The following MSI2 variants were observed in gnomAD, a reference collection of about 807,000 sequenced individuals.
The protein encoded by MSI2 is musashi RNA binding protein 2.
Under a neutral mutation model 45.6 loss-of-function variants are expected in MSI2, and 17 were observed. That is an observed-to-expected ratio of 0.37 (90% CI 0.26 to 0.56). The LOEUF (loss-of-function observed/expected upper bound fraction) is 0.56, where lower values mean the gene tolerates loss of function less well. MSI2 is among the 20% of genes least tolerant of loss of function. The probability of loss-of-function intolerance (pLI) is 0.77; values close to 1 mark genes in which losing one functional copy is unlikely to be tolerated. For missense variants in MSI2, 293 were observed against 444.2 expected, an observed-to-expected ratio of 0.66 and a Z score of 3.06; for synonymous variants, 156 against 158.2, an observed-to-expected ratio of 0.99 and a Z score of 0.11.
rs117827861 is a variant in MSI2 at position 57,540,529 on chromosome 17, G to A, written c.454+10805G>A. Among the ~76,000 whole-genome samples, 89 of 152,348 alleles carry A rather than the reference G, an allele frequency of 5.8e-4. 2 individuals are homozygous for A. The East Asian group carries it at 0.016, about 27-fold the overall frequency. On this transcript the variant is annotated intron_variant, in intron 7 of 13. Coordinates refer to ENST00000284073, the MANE Select transcript of MSI2 (RefSeq NM_138962.4). ...ATACCTCAGAATGTGACCTTATTTA[G>A]AAAGAGGGTCTTTGGAGGTGTAATC... is the stretch of plus-strand genomic sequence containing the variant.
intron 5 of MSI2, among the ~76,000 whole-genome samples, chr17:57,289,027 A>G (rs901280467): frequency 1.3e-5 from 2 of 152,162 alleles, no homozygotes; most frequent in Admixed American, 1.3e-4. Flanking sequence ...TCACTTCTCT[A>G]TAAGAAGGGG....
chr17:57,489,520 C>T (rs992812471), intron 6 of MSI2, among the ~76,000 whole-genome samples: 5 of 152,228 alleles, frequency 3.3e-5, no homozygotes, highest in East Asian at 1.9e-4. Context: ...CAGGGAGGCT[C>T]CTGGCACGGC....
chr17:57,436,745 C>T (rs537234100), intron 6 of MSI2, among the ~76,000 whole-genome samples: 23 of 152,226 alleles, frequency 1.5e-4, no homozygotes, highest in South Asian at 1.0e-3. Context: ...AATATGACAG[C>T]GGTTAATCAT....
intron 6 of MSI2, among the ~76,000 whole-genome samples, chr17:57,509,505 C>T (rs1444265517): frequency 6.6e-6 from 1 of 152,198 alleles, no homozygotes; most frequent in Non-Finnish European, 1.5e-5. Flanking sequence ...ACTGCAACCT[C>T]CGCCTCCCGG....
intron 8 of MSI2, 97 bp downstream of exon 8, chr17:57,597,047 G>C: frequency 2.3e-6 from 2 of 868,604 alleles, no homozygotes; most frequent in Non-Finnish European, 3.8e-6. Context: ...AGGCTGGAGT[G>C]GGCAGGGGTG....
chr17:57,425,031 A>G (rs1481475666), intron 6 of MSI2, among the ~76,000 whole-genome samples: 2 of 152,190 alleles, frequency 1.3e-5, no homozygotes, highest in Non-Finnish European at 2.9e-5. Flanking sequence ...GAGGTGGGGC[A>G]GGACTCAGGA....
intron 7 of MSI2, among the ~76,000 whole-genome samples, chr17:57,563,064 C>T (rs144266748): frequency 0.021 from 2,938 of 141,048 alleles, 156 homozygotes; most frequent in Admixed American, 0.13. Flanking sequence ...CACCACTGCA[C>T]GCCAGCCTGG....
At chr17:57,285,448 T>TTTTCA (rs1491368710) in intron 5 of MSI2, among the ~76,000 whole-genome samples, 1 of 152,206 alleles carries the variant, frequency 6.6e-6, no homozygotes, top group Non-Finnish European at 1.5e-5. Flanking sequence ...CGGTTTTCCA[T>TTTTCA]TTTCACGGTG....
intron 5 of MSI2, among the ~76,000 whole-genome samples, chr17:57,315,355 G>A (rs534667300): frequency 1.5e-4 from 23 of 151,900 alleles, no homozygotes; most frequent in African/African-American, 5.3e-4. Flanking sequence ...AGTGTGTCCT[G>A]TCGACTCAAG....
At chr17:57,392,850 G>GA (rs1245772728) in intron 5 of MSI2, among the ~76,000 whole-genome samples, 1 of 152,048 alleles carries the variant, frequency 6.6e-6, no homozygotes, top group Non-Finnish European at 1.5e-5. Flanking sequence ...TTGGCTTAGG[G>GA]ATCTCTCTGG....
In MSI2 at chr17:57,302,200, C is replaced by A. The variant is rs965642220; in HGVS notation, c.312+40008C>A. On this transcript the variant is annotated intron_variant, in intron 5 of 13. Transcript: ENST00000284073. ...CAGTCTGTAATGATCAAATCAGGGTCATCGAGACATCTGTCACCTCAAACA... is the reference window on the plus strand; with the variant it reads ...CAGTCTGTAATGATCAAATCAGGGTAATCGAGACATCTGTCACCTCAAACA... 3.3e-5 allele frequency among the ~76,000 whole-genome samples: 5 copies of A among 152,270 alleles called. No homozygotes were observed. In the East Asian group the frequency reaches 7.7e-4, roughly 23 times the overall value.
chr17:57,637,860 G>A (rs535957171), intron 10 of MSI2, among the ~76,000 whole-genome samples: 18 of 152,286 alleles, frequency 1.2e-4, no homozygotes, highest in African/African-American at 1.9e-4. Context: ...CCCACACCTC[G>A]TCCTCTGTGG....
chr17:57,523,263 G>A (rs530292621), intron 6 of MSI2, among the ~76,000 whole-genome samples: 11 of 152,264 alleles, frequency 7.2e-5, no homozygotes, highest in Admixed American at 2.6e-4. Context: ...TGGCCAGGCT[G>A]GTCTCGAACT....
intron 8 of MSI2, among the ~76,000 whole-genome samples, chr17:57,614,124 C>T (rs1907445599): frequency 6.6e-6 from 1 of 152,052 alleles, no homozygotes; most frequent in Non-Finnish European, 1.5e-5. Context: ...GATCTCGGCT[C>T]ACTACACCCT....
At chr17:57,465,518 T>A (rs1598301015) in intron 6 of MSI2, among the ~76,000 whole-genome samples, 1 of 152,196 alleles carries the variant, frequency 6.6e-6, no homozygotes, top group Non-Finnish European at 1.5e-5. Context: ...GTCAAACTGT[T>A]GATCTTAGGG....
intron 5 of MSI2, among the ~76,000 whole-genome samples, chr17:57,330,456 T>A (rs909203386): frequency 6.6e-6 from 1 of 151,934 alleles, no homozygotes; most frequent in African/African-American, 2.4e-5. Flanking sequence ...TTTTTGTATT[T>A]TTAGTAGAGA....
intron 1 of MSI2, 66 bp downstream of exon 1, chr17:57,256,870 C>T: frequency 7.0e-6 from 9 of 1,288,482 alleles, no homozygotes; most frequent in Non-Finnish European, 9.3e-6. Flanking sequence ...GCGGGGACGG[C>T]GGTGCGCGGA....
At chr17:57,616,312 T>C in intron 9 of MSI2, 1 of 404,930 alleles carries the variant, frequency 2.5e-6, no homozygotes, top group Non-Finnish European at 4.4e-6. Flanking sequence ...TGTTTGTATT[T>C]ATAATATTGC....
At chr17:57,597,006 C>A in intron 8 of MSI2, 56 bp downstream of exon 8, 1 of 1,310,954 alleles carries the variant, frequency 7.6e-7, no homozygotes. Context: ...ACGTACACAC[C>A]CAGTCTTGCA....
Sources: gnomAD v4.1 joint callset for allele counts (sites outside exome capture counted in the v4.1 genomes callset) on GRCh38, gnomAD v4.1.1 for gene constraint, MANE v1.5 for transcripts, NCBI Gene and HGNC (gene_info 2026-07-23, HGNC 2026-07-21) for gene names.